The following LY9 variants were observed in gnomAD, a reference collection of about 807,000 sequenced individuals.
The protein encoded by LY9 is T-lymphocyte surface antigen Ly-9.
LY9 carries 59 observed loss-of-function variants against 64.6 expected under a neutral mutation model. The ratio of observed to expected loss-of-function variants is 0.91; its 90% CI spans 0.74 to 1.13. LY9 has a LOEUF of 1.13. Ranked by LOEUF, LY9 falls within the 50% of genes most tolerant of loss-of-function variation. The probability of loss-of-function intolerance (pLI) is 0.00; values close to 1 mark genes in which losing one functional copy is unlikely to be tolerated. For missense variants in LY9, 789 were observed against 797.2 expected, an observed-to-expected ratio of 0.99 and a Z score of 0.12; for synonymous variants, 281 against 308.5, an observed-to-expected ratio of 0.91 and a Z score of 0.93.
chr1:160,818,364 C>A, intron 6 of LY9, 45 bp downstream of exon 6: 2 of 1,437,028 alleles, frequency 1.4e-6, no homozygotes, highest in African/African-American at 1.4e-5. Context: ...TAGGCCATTT[C>A]CCTGGGACTT....
intron 9 of LY9, among the ~76,000 whole-genome samples, chr1:160,825,455 A>G (rs560662205): frequency 3.3e-5 from 5 of 152,326 alleles, no homozygotes; most frequent in South Asian, 4.1e-4. Context: ...ATTAAGAACC[A>G]TGAGGCGTTT....
At chr1:160,801,837 C>A (rs753784816) in intron 2 of LY9, 1 of 1,614,056 alleles carries the variant, frequency 6.2e-7, no homozygotes, top group East Asian at 2.2e-5. Context: ...GGGTGACCAC[C>A]GCACACTCCT....
At chr1:160,822,131 G>A (rs1243417627) in intron 7 of LY9, among the ~76,000 whole-genome samples, 1 of 152,104 alleles carries the variant, frequency 6.6e-6, no homozygotes, top group Non-Finnish European at 1.5e-5. Flanking sequence ...TTGTCCTCGC[G>A]TGCCGGGAAA....
intron 7 of LY9, among the ~76,000 whole-genome samples, chr1:160,822,655 C>G (rs1230514433): frequency 6.6e-6 from 1 of 152,190 alleles, no homozygotes; most frequent in African/African-American, 2.4e-5. Context: ...TTCTTCTTAA[C>G]TCCTGTATCA....
intron 6 of LY9, 50 bp from the exon 7 acceptor site, chr1:160,819,271 C>T (rs1297345385): frequency 4.3e-6 from 6 of 1,397,104 alleles, no homozygotes. Context: ...TAAAAGACAC[C>T]TCTCACCTCA....
At position 160,814,687 on chromosome 1, in the gene LY9, G is replaced by C; in HGVS notation, c.998G>C (p.Gly333Ala). ...KISQLKIEDA[G>A]PYHAYVCSEA... ...AGCCAGCTGAAGATAGAGGACGCCGGCCCCTACCATGCCTACGTGTGCTCA... is the reference window on the plus strand; with the variant it reads ...AGCCAGCTGAAGATAGAGGACGCCGCCCCCTACCATGCCTACGTGTGCTCA... The change falls in exon 4 of 10, where the codon GGC becomes GCC. Residue 333 changes from glycine to alanine, a missense_variant. By Grantham distance (60) the Gly-to-Ala change is moderately conservative. Coordinates refer to ENST00000263285, the MANE Select transcript of LY9 (RefSeq NM_002348.4). 1 of 1,614,118 alleles carries C rather than the reference G, an allele frequency of 6.2e-7. No individual in the cohort carries two copies. The highest frequency in any genetic ancestry group is 1.3e-5 in the African/African-American group (1 of 75,028).
Position 160,816,587 on chromosome 1 carries a change from C to T in LY9, c.1073-7C>T. 6.3e-7 allele frequency: 1 copy of T among 1,586,050 alleles called. No homozygotes were observed. Among genetic ancestry groups the T allele is most frequent in the Non-Finnish European group, 8.6e-7 (1 of 1,164,488 alleles). On this transcript the variant is annotated splice_region_variant and splice_polypyrimidine_tract_variant and intron_variant, in intron 4 of 9. Coordinates refer to ENST00000263285, the MANE Select transcript of LY9 (RefSeq NM_002348.4). ...ATTCCACATGGAGTCTGCCTCTCTC[C>T]TCACAGGCAGGCTGAGGAAGCCCAA...
intron 5 of LY9, among the ~76,000 whole-genome samples, chr1:160,817,188 G>T (rs1191962951): frequency 6.6e-6 from 1 of 152,176 alleles, no homozygotes; most frequent in Non-Finnish European, 1.5e-5. Context: ...TTGAGAGCCA[G>T]TATGTATTTT....
intron 2 of LY9, among the ~76,000 whole-genome samples, chr1:160,800,864 A>G (rs916487227): frequency 1.3e-5 from 2 of 152,230 alleles, no homozygotes; most frequent in Non-Finnish European, 2.9e-5. Flanking sequence ...TGGTGCTGCA[A>G]AAGACATGAC....
intron 2 of LY9, among the ~76,000 whole-genome samples, chr1:160,804,503 G>A (rs1666788667): frequency 6.6e-6 from 1 of 152,138 alleles, no homozygotes; most frequent in Non-Finnish European, 1.5e-5. Flanking sequence ...TTTTGCTGAG[G>A]ATTGTTGCAT....
intron 4 of LY9, 196 bp downstream of exon 4, chr1:160,814,957 C>T (rs182530326): frequency 1.2e-4 from 69 of 596,666 alleles, no homozygotes; most frequent in East Asian, 6.7e-4. Flanking sequence ...CAAGTCTACC[C>T]GCCAAAGTGC....
chr1:160,806,453 T>G (rs1051757996), intron 2 of LY9, among the ~76,000 whole-genome samples: 1 of 152,216 alleles, frequency 6.6e-6, no homozygotes, highest in Non-Finnish European at 1.5e-5. Context: ...TGGTAACAAA[T>G]TCTCTCAGCA....
Position 160,796,222 on chromosome 1 carries a change from C to A in LY9, c.35C>A (p.Ala12Asp). ...VAPKSHTDDWAPGPFSSKPQR... is the reference protein window; with the variant it reads ...VAPKSHTDDWDPGPFSSKPQR... ...CCAAAGAGTCACACAGATGACTGGG[C>A]TCCTGGGCCTTTCTCCAGTAAGCCA... is the stretch of plus-strand genomic sequence containing the variant. The change falls in exon 1 of 10, where the codon GCT (alanine) becomes GAT (aspartate). Residue 12 changes from alanine (A) to aspartate (D), a missense_variant. Ala to Asp is a moderately radical substitution (Grantham distance 126, BLOSUM62 -2). Coordinates refer to ENST00000263285, the MANE Select transcript of LY9 (RefSeq NM_002348.4). The A allele has an allele frequency of 1.2e-6, 2 of 1,614,100 alleles. No homozygotes were observed. Among genetic ancestry groups the A allele is most frequent in the Non-Finnish European group, 1.7e-6 (2 of 1,179,980 alleles).
At chr1:160,802,231 C>T in intron 2 of LY9, 1 of 1,085,074 alleles carries the variant, frequency 9.2e-7, no homozygotes, top group Non-Finnish European at 1.1e-6. Context: ...TTATTTATTG[C>T]ATTGCTGGTA....
At chr1:160,818,623 T>C (rs1668141180) in intron 6 of LY9, among the ~76,000 whole-genome samples, 1 of 152,108 alleles carries the variant, frequency 6.6e-6, no homozygotes, top group Admixed American at 6.5e-5. Flanking sequence ...TGGAGAAATG[T>C]CACCAGAGGC....
rs376163756 is a variant in LY9, at chr1:160,813,863, G to C, written c.682G>C (p.Val228Leu). Residue 228 changes from valine (V) to leucine (L), a missense_variant, in exon 3 of 10, where the codon GTC becomes CTC. Coordinates refer to ENST00000263285, the MANE Select transcript of LY9 (RefSeq NM_002348.4). ...LPYICTAQNP[V>L]SQRSSLPVHV... ...ATACATCTGCACAGCCCAGAACCCC[G>C]TCAGCCAGAGAAGCTCCCTCCCTGT... The C allele has an allele frequency of 6.2e-7, 1 of 1,614,090 alleles. No individual in the cohort carries two copies. Among genetic ancestry groups the C allele is most frequent in the Non-Finnish European group, 8.5e-7 (1 of 1,180,018 alleles).
At chr1:160,812,086 C>T (rs1302744332) in intron 2 of LY9, 1 of 152,194 alleles carries the variant, frequency 6.6e-6, no homozygotes, top group Non-Finnish European at 1.5e-5. Context: ...AAACGTATTC[C>T]ACATTTCTCC....
At chr1:160,823,818 A>G in intron 8 of LY9, 22 bp downstream of exon 8, 3 of 1,548,042 alleles carry the variant, frequency 1.9e-6, no homozygotes, top group Non-Finnish European at 2.7e-6. Context: ...TGATCAATAC[A>G]CCTTCCTCCT....
At chr1:160,807,037 T>A (rs1667050476) in intron 2 of LY9, among the ~76,000 whole-genome samples, 1 of 152,244 alleles carries the variant, frequency 6.6e-6, no homozygotes. Flanking sequence ...AAGTATATTT[T>A]GTATTTCCTT....
Sources: gnomAD v4.1 joint callset for allele counts (sites outside exome capture counted in the v4.1 genomes callset) on GRCh38, gnomAD v4.1.1 for gene constraint, MANE v1.5 for transcripts, NCBI Gene and HGNC (gene_info 2026-07-23, HGNC 2026-07-21) for gene names.